CDH8: variants seen among roughly 807,000 people sequenced by gnomAD.
CDH8 encodes the protein cadherin 8.
CDH8 carries 17 observed loss-of-function variants against 68.1 expected under a neutral mutation model. The ratio of observed to expected loss-of-function variants is 0.25; its 90% CI spans 0.17 to 0.37. The LOEUF (loss-of-function observed/expected upper bound fraction) is 0.37. Ranked by LOEUF, CDH8 falls within the 10% of genes least tolerant of loss-of-function variation. CDH8 has a pLI of 1.00. For missense variants in CDH8, 763 were observed against 999.3 expected, an observed-to-expected ratio of 0.76 and a Z score of 3.19; for synonymous variants, 372 against 365.1, an observed-to-expected ratio of 1.02 and a Z score of -0.21.
At chr16:62,028,195 G>C (rs1450254678) in intron 1 of CDH8, among the ~76,000 whole-genome samples, 1 of 150,530 alleles carries the variant, frequency 6.6e-6, no homozygotes, top group Admixed American at 6.6e-5. Flanking sequence ...CTCCTGAGTA[G>C]CTGGGATTAG....
chr16:61,822,205 C>CTTTTTTTTTTTTTTTTTTTTT lies in CDH8; in HGVS notation c.836-1113_836-1093dup, dbSNP rs71707137. Among the ~76,000 whole-genome samples, 2 of 45,648 alleles carry CTTTTTTTTTTTTTTTTTTTTT rather than the reference C, an allele frequency of 4.4e-5. 1 individual carries two copies. Among genetic ancestry groups the CTTTTTTTTTTTTTTTTTTTTT allele is most frequent in the Non-Finnish European group, 7.2e-5 (2 of 27,590 alleles). 29.9% of individuals were successfully genotyped at this position (45,648 alleles called of 152,430 possible). A position where few individuals can be genotyped will look rare whatever the true frequency, so the allele number is the denominator to read the frequency against. ...TGTAGTAACTGGCTCAAAAACGCAC[C>CTTTTTTTTTTTTTTTTTTTTT]TTTTTTTTTTTTTTTTTTTTTTTTT... On this transcript the variant is annotated intron_variant, in intron 5 of 11. Coordinates refer to ENST00000577390, the MANE Select transcript of CDH8 (RefSeq NM_001796.5).
intron 8 of CDH8, among the ~76,000 whole-genome samples, chr16:61,774,459 GAAAA>G (rs11318433): frequency 2.4e-5 from 3 of 123,210 alleles, no homozygotes; most frequent in Admixed American, 8.5e-5. Flanking sequence ...ATCACTCAGG[GAAAA>G]AAAAAAAAAA....
In CDH8 at chr16:61,821,133, A is replaced by C; in HGVS notation, c.836-20T>G. 1 of 1,578,048 alleles carries C rather than the reference A, an allele frequency of 6.3e-7. No individual in the cohort carries two copies. Among genetic ancestry groups the C allele is most frequent in the Non-Finnish European group, 8.6e-7 (1 of 1,157,612 alleles). ...ACAGGCCTTTAAAAAGAGGAGAAAC[A>C]ATGAGAGTCACACAAATTCCAACCA... On this transcript the variant is annotated intron_variant, in intron 5 of 11. Transcript: ENST00000577390.
At chr16:61,706,200 G>T (rs929281532) in intron 10 of CDH8, among the ~76,000 whole-genome samples, 2 of 152,220 alleles carry the variant, frequency 1.3e-5, no homozygotes, top group African/African-American at 4.8e-5. Flanking sequence ...CCACCCACTT[G>T]CTCTGCCCAT....
At chr16:61,767,310 G>A (rs1219856618) in intron 8 of CDH8, among the ~76,000 whole-genome samples, 2 of 151,894 alleles carry the variant, frequency 1.3e-5, no homozygotes, top group East Asian at 3.9e-4. Context: ...TATTAGTTAA[G>A]CACATTCTAA....
intron 8 of CDH8, among the ~76,000 whole-genome samples, chr16:61,768,398 T>TTCTCTCTCTC (rs530131371): frequency 0.01 from 367 of 35,180 alleles, 10 homozygotes; most frequent in Middle Eastern, 0.017. Flanking sequence ...CTCTCTCCCT[T>TTCTCTCTCTC]TCTCTCTCTC....
intron 4 of CDH8, among the ~76,000 whole-genome samples, chr16:61,827,213 G>T (rs1471626115): frequency 6.6e-6 from 1 of 151,778 alleles, no homozygotes; most frequent in Non-Finnish European, 1.5e-5. Context: ...CAGTAAAAAA[G>T]ATTGAAAACA....
At chr16:61,829,824 C>G (rs910443430) in intron 4 of CDH8, among the ~76,000 whole-genome samples, 3 of 151,782 alleles carry the variant, frequency 2.0e-5, no homozygotes, top group Non-Finnish European at 4.4e-5. Context: ...CTAGTCTCAA[C>G]CCCATGACTA....
Position 61,889,503 on chromosome 16 carries a change from T to C in CDH8, c.547+11676A>G, listed in dbSNP as rs535884968. On this transcript the variant is annotated intron_variant, in intron 3 of 11. Transcript: ENST00000577390. ...GGAAGCGAGGCATACACCAGAAATA[T>C]ATTGACAAAGGTGTCCCACATTCAT... Among the ~76,000 whole-genome samples the C allele has an allele frequency of 9.8e-5, 15 of 152,302 alleles. No homozygotes were observed. In the South Asian group the frequency reaches 3.1e-3, roughly 32 times the overall value.
At chr16:61,749,694 T>C (rs1250844224) in intron 8 of CDH8, among the ~76,000 whole-genome samples, 1 of 152,030 alleles carries the variant, frequency 6.6e-6, no homozygotes, top group East Asian at 1.9e-4. Flanking sequence ...GAGTTAGCCC[T>C]TGTTTATTTG....
chr16:61,725,693 T>C (rs1423220886), intron 9 of CDH8: 1 of 150,778 alleles, frequency 6.6e-6, no homozygotes, highest in African/African-American at 2.4e-5. Flanking sequence ...TCTCAAAGGA[T>C]CACAAATGAA....
At chr16:61,885,246 T>C (rs1963651580) in intron 3 of CDH8, among the ~76,000 whole-genome samples, 1 of 152,190 alleles carries the variant, frequency 6.6e-6, no homozygotes, top group Non-Finnish European at 1.5e-5. Flanking sequence ...GATGGTGCTA[T>C]TGTGAATTTT....
At chr16:61,716,328 T>C (rs1017313774) in intron 9 of CDH8, among the ~76,000 whole-genome samples, 6 of 151,608 alleles carry the variant, frequency 4.0e-5, no homozygotes, top group African/African-American at 1.5e-4. Flanking sequence ...ATGATATAGC[T>C]TACCTGTAGC....
At chr16:61,885,711 CAAAAAAAA>C (rs5817322) in intron 3 of CDH8, among the ~76,000 whole-genome samples, 1 of 116,474 alleles carries the variant, frequency 8.6e-6, no homozygotes, top group Non-Finnish European at 1.9e-5. Flanking sequence ...AATAGCAATC[CAAAAAAAA>C]AAAAAAAAGG....
At chr16:62,024,540 G>A (rs1902150092) in intron 1 of CDH8, among the ~76,000 whole-genome samples, 1 of 152,178 alleles carries the variant, frequency 6.6e-6, no homozygotes, top group Admixed American at 6.5e-5. Flanking sequence ...TGGATGGACT[G>A]CAGCATTGAT....
intron 7 of CDH8, among the ~76,000 whole-genome samples, chr16:61,794,784 T>C (rs1025579238): frequency 3.3e-5 from 5 of 152,104 alleles, no homozygotes; most frequent in Admixed American, 6.6e-5. Flanking sequence ...CCAAAATCTC[T>C]GTCCTTGAAC....
chr16:61,970,586 A>G (rs1292595430), intron 2 of CDH8, among the ~76,000 whole-genome samples: 1 of 152,244 alleles, frequency 6.6e-6, no homozygotes, highest in Non-Finnish European at 1.5e-5. Context: ...TATTTTCCCT[A>G]TTCTGCTCTC....
chr16:61,947,510 G>A (rs1964820004), intron 2 of CDH8, among the ~76,000 whole-genome samples: 1 of 152,162 alleles, frequency 6.6e-6, no homozygotes, highest in Non-Finnish European at 1.5e-5. Flanking sequence ...CTCATTCTAG[G>A]TTGAATTTTC....
chr16:61,895,969 C>T (rs1486883701), intron 3 of CDH8, among the ~76,000 whole-genome samples: 1 of 151,660 alleles, frequency 6.6e-6, no homozygotes, highest in Non-Finnish European at 1.5e-5. Context: ...AGATTTGGAG[C>T]CAAATAACCT....
Sources: allele counts gnomAD v4.1 joint callset (sites outside exome capture counted in the v4.1 genomes callset), GRCh38; gene constraint gnomAD v4.1.1; transcripts MANE v1.5; gene names NCBI Gene and HGNC (gene_info 2026-07-23, HGNC 2026-07-21).